The following MED13 variants were observed in gnomAD, a reference collection of about 807,000 sequenced individuals.
The protein encoded by MED13 is mediator complex subunit 13.
Under a neutral mutation model 225.2 loss-of-function variants are expected in MED13, and 23 were observed. That is an observed-to-expected ratio of 0.10 (90% CI 0.07 to 0.14). The LOEUF (loss-of-function observed/expected upper bound fraction) is 0.14, where lower values mean the gene tolerates loss of function less well. Ranked by LOEUF, MED13 falls within the 10% of genes least tolerant of loss-of-function variation. The probability of loss-of-function intolerance (pLI) is 1.00; values close to 1 mark genes in which losing one functional copy is unlikely to be tolerated. For missense variants in MED13, 2,197 were observed against 2,594.5 expected, an observed-to-expected ratio of 0.85 and a Z score of 3.33; for synonymous variants, 942 against 889.2, an observed-to-expected ratio of 1.06 and a Z score of -1.06.
At chr17:62,034,837 G>A (rs897584898) in intron 4 of MED13, among the ~76,000 whole-genome samples, 4 of 151,966 alleles carry the variant, frequency 2.6e-5, no homozygotes, top group East Asian at 3.9e-4. Flanking sequence ...GGCTCTGGCC[G>A]GACATGGTGG....
chr17:62,061,533 A>G (rs2081039118), intron 2 of MED13, among the ~76,000 whole-genome samples: 1 of 152,212 alleles, frequency 6.6e-6, no homozygotes, highest in Non-Finnish European at 1.5e-5. Context: ...TTTTATCAAT[A>G]ATTATGTTTT....
At chr17:61,966,699 T>C (rs1167384831) in intron 18 of MED13, 48 bp from the exon 19 acceptor site, 10 of 1,306,190 alleles carry the variant, frequency 7.7e-6, no homozygotes, top group Non-Finnish European at 1.0e-5. Flanking sequence ...TATTATTGTA[T>C]TTAGATACAC....
chr17:62,059,506 T>C (rs2081021383), intron 2 of MED13, among the ~76,000 whole-genome samples: 1 of 152,218 alleles, frequency 6.6e-6, no homozygotes, highest in African/African-American at 2.4e-5. Flanking sequence ...TAACCAGCTT[T>C]TTAGTTACCA....
intron 26 of MED13, among the ~76,000 whole-genome samples, chr17:61,954,900 T>C (rs1222673855): frequency 6.6e-6 from 1 of 152,248 alleles, no homozygotes; most frequent in Non-Finnish European, 1.5e-5. Context: ...TACCACAAAC[T>C]GTTGGCTTAA....
chr17:62,033,713 T>C, intron 5 of MED13, 74 bp downstream of exon 5: 1 of 1,406,654 alleles, frequency 7.1e-7, no homozygotes, highest in Non-Finnish European at 9.8e-7. Flanking sequence ...TAGACTTGTT[T>C]GTTATTCAGC....
chr17:62,011,356 A>C, intron 8 of MED13, 123 bp from the exon 9 acceptor site: 1 of 848,052 alleles, frequency 1.2e-6, no homozygotes. Context: ...CTAAAAGTAA[A>C]ATAATTTGAA....
chr17:62,001,593 A>G (rs1326949804), intron 9 of MED13, among the ~76,000 whole-genome samples: 2 of 152,154 alleles, frequency 1.3e-5, no homozygotes, highest in Non-Finnish European at 2.9e-5. Flanking sequence ...TACGCTTTTC[A>G]GGTCTCATTT....
At chr17:62,036,551 C>T (rs947611236) in intron 3 of MED13, among the ~76,000 whole-genome samples, 22 of 152,298 alleles carry the variant, frequency 1.4e-4, no homozygotes, top group African/African-American at 4.8e-4. Flanking sequence ...GTTTTTTAAA[C>T]TATGATATTA....
At chr17:62,012,765 T>G (rs1383062603) in intron 8 of MED13, among the ~76,000 whole-genome samples, 6 of 152,114 alleles carry the variant, frequency 3.9e-5, no homozygotes, top group Non-Finnish European at 8.8e-5. Flanking sequence ...AGGCACTTAT[T>G]TGAAAAACTC....
Position 61,960,667 on chromosome 17 carries a change from ATAGAT to A in MED13, c.5480+195_5480+199del, listed in dbSNP as rs374648655. On this transcript the variant is annotated intron_variant, in intron 23 of 29. Coordinates refer to ENST00000397786, the MANE Select transcript of MED13 (RefSeq NM_005121.3). ...GACCTTAATCTTTTTTGTTCATATA[ATAGAT>A]TAATCAAAATTATTTTTAATTATGT... 3.0e-3 allele frequency among the ~76,000 whole-genome samples: 460 copies of A among 152,248 alleles called. 3 individuals are homozygous for A. Among genetic ancestry groups the A allele is most frequent in the African/African-American group, 9.7e-3 (402 of 41,550 alleles).
chr17:62,051,315 CG>C (rs1487576450), intron 3 of MED13, among the ~76,000 whole-genome samples: 1 of 152,140 alleles, frequency 6.6e-6, no homozygotes, highest in Admixed American at 6.5e-5. Context: ...GTGCAACACA[CG>C]GGAGGACCAT....
intron 22 of MED13, 61 bp from the exon 23 acceptor site, chr17:61,961,151 A>T: frequency 1.5e-6 from 2 of 1,307,094 alleles, no homozygotes; most frequent in Non-Finnish European, 2.1e-6. Flanking sequence ...TATTGCATTT[A>T]AAATGTAATT....
At chr17:62,023,242 A>G (rs897655128) in intron 8 of MED13, among the ~76,000 whole-genome samples, 2 of 152,176 alleles carry the variant, frequency 1.3e-5, no homozygotes, top group Non-Finnish European at 2.9e-5. Flanking sequence ...TCAATTTTTA[A>G]GAGAAGCCAA....
intron 17 of MED13, among the ~76,000 whole-genome samples, chr17:61,971,275 CTTT>C (rs758826223): frequency 5.1e-5 from 7 of 136,332 alleles, no homozygotes; most frequent in Non-Finnish European, 3.2e-5. Flanking sequence ...TAAATATCTA[CTTT>C]TTTTTTTTTT....
Position 61,956,455 on chromosome 17 carries a change from C to G in MED13, c.5507G>C (p.Arg1836Thr). 1 of 1,612,448 alleles carries G rather than the reference C, an allele frequency of 6.2e-7. No individual in the cohort carries two copies. The highest frequency in any genetic ancestry group is 1.3e-5 in the African/African-American group (1 of 74,980). Residue 1836 changes from arginine to threonine, a missense_variant, in exon 24 of 30, where the codon AGA becomes ACA. Physicochemically the swap from Arg to Thr is moderately conservative, Grantham distance 71. Transcript: ENST00000397786. ...NRARRKKSSA[R>T]KFGLQKLWEW... ...CCAAAGTTTCTGTAGACCAAATTTT[C>G]TAGCAGAACTTTTTTTCCGACGAGC...
Position 61,958,518 on chromosome 17 carries a change from T to C in MED13, c.5481-2037A>G, listed in dbSNP as rs1567942303. On this transcript the variant is annotated intron_variant, in intron 23 of 29. Transcript: ENST00000397786. ...CACACCCAGCTAATTTTTGTATTTT[T>C]AGTAGAGACAGGGTTTCAGCATGTT... Among the ~76,000 whole-genome samples the C allele has an allele frequency of 2.6e-5, 4 of 152,038 alleles. No individual in the cohort carries two copies. The East Asian group carries it at 7.7e-4, about 29-fold the overall frequency.
At chr17:61,974,269 T>C (rs2080134411) in intron 16 of MED13, among the ~76,000 whole-genome samples, 1 of 151,966 alleles carries the variant, frequency 6.6e-6, no homozygotes. Flanking sequence ...CTGGGTATGG[T>C]GCCACACGCC....
At chr17:61,989,888 T>C (rs1270207383) in intron 11 of MED13, among the ~76,000 whole-genome samples, 1 of 152,222 alleles carries the variant, frequency 6.6e-6, no homozygotes, top group Non-Finnish European at 1.5e-5. Flanking sequence ...GATTGTTTTT[T>C]CTATTACTGT....
At chr17:62,054,406 C>A (rs886608742) in intron 2 of MED13, among the ~76,000 whole-genome samples, 1 of 152,006 alleles carries the variant, frequency 6.6e-6, no homozygotes, top group Non-Finnish European at 1.5e-5. Flanking sequence ...TTTTTTAAGT[C>A]TAATATTAAT....
Sources: allele counts gnomAD v4.1 joint callset (sites outside exome capture counted in the v4.1 genomes callset), GRCh38; gene constraint gnomAD v4.1.1; transcripts MANE v1.5; gene names NCBI Gene and HGNC (gene_info 2026-07-23, HGNC 2026-07-21).